Variants in RPH3A observed in about 807,000 individuals in gnomAD.
RPH3A encodes rabphilin 3A.
In RPH3A, 48 loss-of-function variants were observed where a neutral mutation model predicts 102.2. The ratio of observed to expected loss-of-function variants is 0.47; its 90% confidence interval spans 0.37 to 0.60. The LOEUF (loss-of-function observed/expected upper bound fraction) is 0.60, where lower values mean the gene tolerates loss of function less well. Ranked by LOEUF, RPH3A falls within the 20% of genes least tolerant of loss-of-function variation. The pLI is 0.00. For synonymous variants in RPH3A, 310 were observed against 324.3 expected (o/e 0.96, Z 0.47); for missense variants, 781 against 910.1 (o/e 0.86, Z 1.83).
intron 1 of RPH3A, among the ~76,000 whole-genome samples, chr12:112,616,865 GAGAC>G (rs2039684152): frequency 6.6e-6 from 1 of 152,226 alleles, no homozygotes; most frequent in Non-Finnish European, 1.5e-5. Context: ...CTTCCTGGCA[GAGAC>G]AAAGGAGACT....
At chr12:112,868,377 A>G in intron 7 of RPH3A, 53 bp from the exon 8 acceptor site, 1 of 1,582,254 alleles carries the variant, frequency 6.3e-7, no homozygotes, top group East Asian at 2.3e-5. Flanking sequence ...CATGAAGGTA[A>G]GAGCAACAGC....
intron 1 of RPH3A, among the ~76,000 whole-genome samples, chr12:112,785,671 G>C (rs555875829): frequency 4.2e-4 from 64 of 152,268 alleles, no homozygotes; most frequent in Middle Eastern, 3.4e-3. Context: ...ATAAGGAAGT[G>C]CTATCATTTG....
At chr12:112,591,987 G>A (rs914841177) in intron 1 of RPH3A, among the ~76,000 whole-genome samples, 10 of 152,216 alleles carry the variant, frequency 6.6e-5, no homozygotes, top group Middle Eastern at 6.8e-3. Flanking sequence ...TGTAGTATTC[G>A]CATGTAACCT....
chr12:112,845,513 G>T (rs1026029625), intron 4 of RPH3A, among the ~76,000 whole-genome samples: 2 of 152,160 alleles, frequency 1.3e-5, no homozygotes, highest in African/African-American at 4.8e-5. Flanking sequence ...CGAACAGGGG[G>T]CCCTGAAGCT....
At position 112,859,503 on chromosome 12, in the gene RPH3A, G is replaced by A. The variant is rs193292718; in HGVS notation, c.231-5911G>A. Among the ~76,000 whole-genome samples the A allele has an allele frequency of 3.6e-3, 547 of 152,276 alleles. 5 individuals carry two copies. The highest frequency in any genetic ancestry group is 4.0e-3 in the Non-Finnish European group (270 of 68,012). Reference sequence around the variant, plus strand: ...AACCCCTCACTGCCTGGTGATTATCGCTGTGAATATCTTGGTGTGTTTCCT... The same window carrying A: ...AACCCCTCACTGCCTGGTGATTATCACTGTGAATATCTTGGTGTGTTTCCT... On this transcript the variant is annotated intron_variant, in intron 5 of 21. Transcript: ENST00000389385.
At chr12:112,727,960 T>A (rs1290126954) in intron 1 of RPH3A, among the ~76,000 whole-genome samples, 2 of 152,124 alleles carry the variant, frequency 1.3e-5, no homozygotes, top group African/African-American at 4.8e-5. Flanking sequence ...AGCCCAATAG[T>A]CCAGTATATA....
intron 1 of RPH3A, among the ~76,000 whole-genome samples, chr12:112,675,437 T>C (rs1429126290): frequency 1.3e-5 from 2 of 152,184 alleles, no homozygotes; most frequent in South Asian, 2.1e-4. Flanking sequence ...GGTGCTCTAT[T>C]TGGCCAGACA....
At chr12:112,707,288 C>G (rs1354624840) in intron 1 of RPH3A, among the ~76,000 whole-genome samples, 1 of 152,234 alleles carries the variant, frequency 6.6e-6, no homozygotes, top group East Asian at 1.9e-4. Flanking sequence ...TTATCTTCCT[C>G]CTGTCCCTTC....
rs565147688 is a variant in RPH3A, at chr12:112,809,530, G to A, written c.-19+17267G>A. 1.2e-3 allele frequency among the ~76,000 whole-genome samples: 180 copies of A among 152,212 alleles called. 1 individual carries two copies. The highest frequency in any genetic ancestry group is 3.9e-3 in the African/African-American group (161 of 41,520). On this transcript the variant is annotated intron_variant, in intron 2 of 21. Coordinates refer to ENST00000389385, the MANE Select transcript of RPH3A (RefSeq NM_001143854.2). Reference sequence around the variant, plus strand: ...CTGTCGTTGGCAATGAGGACTTCACGCTAGCATATTATTATTCCACAATAG... The same window carrying A: ...CTGTCGTTGGCAATGAGGACTTCACACTAGCATATTATTATTCCACAATAG...
intron 2 of RPH3A, among the ~76,000 whole-genome samples, chr12:112,819,356 C>T (rs1254750639): frequency 1.3e-5 from 2 of 152,132 alleles, no homozygotes; most frequent in Non-Finnish European, 2.9e-5. Context: ...GAGCCACCCA[C>T]CTCAGCCTCC....
At position 112,887,849 on chromosome 12, in the gene RPH3A, A is replaced by G; in HGVS notation, c.1489A>G (p.Thr497Ala). The part of the protein sequence containing the change: ...KFGHNEFIGE[T>A]RFSLKKLKPN... The stretch of plus-strand genomic sequence containing the variant: ...TGGCCACAATGAATTTATTGGTGAG[A>G]CCAGATTCTCCCTCAAGAAACTGAA... Residue 497 changes from threonine (T) to alanine (A), a missense_variant, in exon 17 of 22, where the codon ACC becomes GCC. Physicochemically the swap from Thr to Ala is moderately conservative, Grantham distance 58. Coordinates refer to ENST00000389385, the MANE Select transcript of RPH3A (RefSeq NM_001143854.2). The G allele has an allele frequency of 2.5e-6, 4 of 1,613,906 alleles. No individual in the cohort carries two copies. Among genetic ancestry groups the G allele is most frequent in the Non-Finnish European group, 3.4e-6 (4 of 1,179,856 alleles).
At chr12:112,734,404 A>T (rs145523769) in intron 1 of RPH3A, among the ~76,000 whole-genome samples, 71 of 152,352 alleles carry the variant, frequency 4.7e-4, no homozygotes, top group Non-Finnish European at 9.1e-4. Context: ...CACATTTCTC[A>T]GAACATATTC....
At chr12:112,700,844 T>A (rs1346618700) in intron 1 of RPH3A, among the ~76,000 whole-genome samples, 1 of 152,188 alleles carries the variant, frequency 6.6e-6, no homozygotes, top group East Asian at 1.9e-4. Flanking sequence ...TCTTTATACC[T>A]CTTTAGGCAA....
At chr12:112,756,829 A>G (rs2040826202) in intron 1 of RPH3A, among the ~76,000 whole-genome samples, 1 of 152,242 alleles carries the variant, frequency 6.6e-6, no homozygotes, top group South Asian at 2.1e-4. Flanking sequence ...GTCAAATTAC[A>G]CTGCATAGGA....
chr12:112,666,171 G>A (rs1835725871), intron 1 of RPH3A, among the ~76,000 whole-genome samples: 1 of 152,226 alleles, frequency 6.6e-6, no homozygotes, highest in African/African-American at 2.4e-5. Context: ...CAGCCACAAT[G>A]TAGGTCACTG....
intron 1 of RPH3A, among the ~76,000 whole-genome samples, chr12:112,701,931 C>A (rs764494193): frequency 2.6e-5 from 4 of 152,198 alleles, no homozygotes; most frequent in Non-Finnish European, 4.4e-5. Flanking sequence ...GTACTGTATG[C>A]TATTAATCAG....
chr12:112,618,049 C>T (rs771134576), intron 1 of RPH3A, among the ~76,000 whole-genome samples: 8 of 152,198 alleles, frequency 5.3e-5, no homozygotes, highest in Non-Finnish European at 1.2e-4. Context: ...CAGATGTCAG[C>T]TTCCAAGTCT....
intron 1 of RPH3A, among the ~76,000 whole-genome samples, chr12:112,755,887 C>T (rs923841223): frequency 6.6e-6 from 1 of 152,100 alleles, no homozygotes; most frequent in Non-Finnish European, 1.5e-5. Context: ...ATCCTTTATG[C>T]CTTGTTATTT....
intron 1 of RPH3A, among the ~76,000 whole-genome samples, chr12:112,685,903 A>G (rs1002093868): frequency 1.3e-5 from 2 of 152,212 alleles, no homozygotes; most frequent in Non-Finnish European, 2.9e-5. Context: ...GGGTATTTGA[A>G]TGGGGAGACA....
Sources: allele counts gnomAD v4.1 joint callset (sites outside exome capture counted in the v4.1 genomes callset), GRCh38; gene constraint gnomAD v4.1.1; transcripts MANE v1.5; gene names NCBI Gene and HGNC (gene_info 2026-07-23, HGNC 2026-07-21).